GALNT7: variants seen among roughly 807,000 people sequenced by gnomAD.
The protein encoded by GALNT7 is polypeptide N-acetylgalactosaminyltransferase 7.
GALNT7 carries 60 observed loss-of-function variants against 82.1 expected under a neutral mutation model. The observed-to-expected ratio is 0.73, with a 90% CI of 0.59 to 0.91. The LOEUF is 0.91. Ranked by LOEUF, GALNT7 falls within the 40% of genes least tolerant of loss-of-function variation. The pLI is 0.00. For synonymous variants in GALNT7, 243 were observed against 275.1 expected (o/e 0.88, Z 1.15); for missense variants, 660 against 804.2 (o/e 0.82, Z 2.17).
At position 173,243,715 on chromosome 4, in the gene GALNT7, A is replaced by C. The variant is rs537078111; in HGVS notation, c.127-4265A>C. On this transcript the variant is annotated intron_variant, in intron 1 of 11. Transcript: ENST00000265000. ...GATTTAATGACATGCAGCCTCTGAG[A>C]AGTGAGCAAATTCAATTTTTCTGGT... Among the ~76,000 whole-genome samples the C allele has an allele frequency of 3.2e-4, 49 of 152,290 alleles. No homozygotes were observed. In the South Asian group the frequency reaches 0.01, roughly 32 times the overall value.
chr4:173,190,814 CT>C (rs1212624550), intron 1 of GALNT7, among the ~76,000 whole-genome samples: 2 of 151,982 alleles, frequency 1.3e-5, no homozygotes, highest in Non-Finnish European at 2.9e-5. Context: ...TGTCTCTTGT[CT>C]TTTTTCTGCC....
At chr4:173,210,059 G>A (rs1248741936) in intron 1 of GALNT7, among the ~76,000 whole-genome samples, 6 of 152,056 alleles carry the variant, frequency 3.9e-5, no homozygotes, top group Non-Finnish European at 5.9e-5. Flanking sequence ...GCTTGAACCC[G>A]GGAGGCCGAG....
At chr4:173,274,543 G>A (rs1312369441) in intron 2 of GALNT7, among the ~76,000 whole-genome samples, 2 of 152,162 alleles carry the variant, frequency 1.3e-5, no homozygotes, top group African/African-American at 4.8e-5. Context: ...CTAACTGTGT[G>A]ACTTTAAGCA....
intron 2 of GALNT7, among the ~76,000 whole-genome samples, chr4:173,255,509 A>G (rs1027222227): frequency 9.2e-5 from 14 of 152,048 alleles, no homozygotes; most frequent in African/African-American, 3.4e-4. Flanking sequence ...ATTTAGAAAA[A>G]GTTTCCTGGA....
intron 2 of GALNT7, among the ~76,000 whole-genome samples, chr4:173,289,689 A>G (rs1481497663): frequency 6.6e-6 from 1 of 152,146 alleles, no homozygotes; most frequent in Non-Finnish European, 1.5e-5. Flanking sequence ...GGAGCCCACC[A>G]TGTATATGCC....
In GALNT7 at chr4:173,321,933, G is replaced by A. The variant is rs192584005; in HGVS notation, c.*216G>A. The A allele has an allele frequency of 9.6e-6, 4 of 416,946 alleles. No homozygotes were observed. The East Asian group carries it at 1.1e-4, about 12-fold the overall frequency. The allele number at this position is 416,946 out of a possible 1,614,324, so 25.8% of individuals were successfully genotyped here. A position where few individuals can be genotyped will look rare whatever the true frequency, so the allele number is the denominator to read the frequency against. On this transcript the variant is annotated 3_prime_UTR_variant, in exon 12 of 12. Transcript: ENST00000265000. ...CAAGACTGCTTTTACCTTAAACTTT[G>A]TAGATGTTTACATCTTTTTGTTGTG...
At chr4:173,244,955 A>G (rs1179947953) in intron 1 of GALNT7, among the ~76,000 whole-genome samples, 1 of 152,190 alleles carries the variant, frequency 6.6e-6, no homozygotes, top group Non-Finnish European at 1.5e-5. Context: ...GGTGAATGAT[A>G]GGTTCAGTTT....
chr4:173,181,208 T>C (rs750233931), intron 1 of GALNT7, among the ~76,000 whole-genome samples: 1 of 152,314 alleles, frequency 6.6e-6, no homozygotes, highest in Middle Eastern at 3.4e-3. Context: ...GAAATTTTTA[T>C]CACTTAAAAT....
intron 1 of GALNT7, among the ~76,000 whole-genome samples, chr4:173,211,642 C>T (rs980887017): frequency 2.0e-5 from 3 of 152,174 alleles, no homozygotes; most frequent in Non-Finnish European, 2.9e-5. Context: ...AATATCCTAC[C>T]TGCACATGTG....
intron 2 of GALNT7, among the ~76,000 whole-genome samples, chr4:173,289,229 G>A (rs1462820997): frequency 1.3e-5 from 2 of 152,132 alleles, no homozygotes; most frequent in African/African-American, 4.8e-5. Context: ...AAGTAAAAGG[G>A]TAGAGGTCCG....
intron 11 of GALNT7, among the ~76,000 whole-genome samples, chr4:173,321,031 A>G (rs1561204666): frequency 6.6e-6 from 1 of 152,186 alleles, no homozygotes; most frequent in Admixed American, 6.5e-5. Context: ...TCGTATTATG[A>G]TGAAAATAGT....
chr4:173,207,514 C>T (rs114981325), intron 1 of GALNT7, among the ~76,000 whole-genome samples: 3,170 of 152,208 alleles, frequency 0.021, 84 homozygotes, highest in East Asian at 0.061. Flanking sequence ...TTTTCCATAT[C>T]GTTTAGTAGT....
intron 2 of GALNT7, among the ~76,000 whole-genome samples, chr4:173,250,460 C>A (rs72999507): frequency 5.3e-5 from 8 of 152,102 alleles, no homozygotes; most frequent in African/African-American, 1.7e-4. Flanking sequence ...CCCCTCACAT[C>A]CAGTCCATCA....
intron 8 of GALNT7, among the ~76,000 whole-genome samples, chr4:173,309,290 C>CT (rs763786449): frequency 8.3e-4 from 127 of 152,302 alleles, no homozygotes; most frequent in Non-Finnish European, 6.5e-4. Flanking sequence ...TACGTGCTCT[C>CT]TCTCAGCTTC....
At position 173,173,288 on chromosome 4, in the gene GALNT7, A is replaced by G. The variant is rs1731935308; in HGVS notation, c.126+4327A>G. 2.0e-5 allele frequency among the ~76,000 whole-genome samples: 3 copies of G among 151,510 alleles called. No individual in the cohort carries two copies. The South Asian group carries it at 6.3e-4, about 32-fold the overall frequency. On this transcript the variant is annotated intron_variant, in intron 1 of 11. Transcript: ENST00000265000. ...GCCCTCTGGATATTTTAAGGTCAGC[A>G]TTTATTAAGATTATCTGCTTGGACT... is the stretch of plus-strand genomic sequence containing the variant.
intron 6 of GALNT7, among the ~76,000 whole-genome samples, chr4:173,300,758 G>T (rs536792853): frequency 6.6e-6 from 1 of 151,996 alleles, no homozygotes; most frequent in African/African-American, 2.4e-5. Flanking sequence ...ACACAAGCTC[G>T]GGAGATATTG....
At chr4:173,296,949 T>C (rs1196636065) in intron 5 of GALNT7, among the ~76,000 whole-genome samples, 1 of 152,216 alleles carries the variant, frequency 6.6e-6, no homozygotes, top group Non-Finnish European at 1.5e-5. Flanking sequence ...CCCTTTTCCT[T>C]GGTTTTTAAA....
intron 2 of GALNT7, among the ~76,000 whole-genome samples, chr4:173,265,681 C>T (rs887303688): frequency 6.7e-4 from 87 of 130,614 alleles, no homozygotes; most frequent in Non-Finnish European, 1.2e-3. Flanking sequence ...CCTCCCCCAC[C>T]CCCCACCCTG....
chr4:173,195,458 A>G (rs989944285), intron 1 of GALNT7, among the ~76,000 whole-genome samples: 2 of 152,168 alleles, frequency 1.3e-5, no homozygotes, highest in South Asian at 4.1e-4. Context: ...CATCTTCTCT[A>G]AAGAAAACCT....
Sources: gnomAD v4.1 joint callset for allele counts (sites outside exome capture counted in the v4.1 genomes callset) on GRCh38, gnomAD v4.1.1 for gene constraint, MANE v1.5 for transcripts, NCBI Gene and HGNC (gene_info 2026-07-23, HGNC 2026-07-21) for gene names.